The following PRKG2 variants were observed in gnomAD, a reference collection of about 807,000 sequenced individuals.
The protein encoded by PRKG2 is protein kinase cGMP-dependent 2, also known as cGMP-dependent protein kinase 2.
Under a neutral mutation model 97.2 loss-of-function variants are expected in PRKG2, and 33 were observed. The observed-to-expected ratio is 0.34, with a 90% CI of 0.26 to 0.45. PRKG2 has a LOEUF of 0.45. PRKG2 is among the 20% of genes least tolerant of loss of function. The probability of loss-of-function intolerance (pLI) is 1.00; values close to 1 mark genes in which losing one functional copy is unlikely to be tolerated. For synonymous variants in PRKG2, 330 were observed against 321.8 expected (o/e 1.03, Z -0.27); for missense variants, 638 against 900.0 (o/e 0.71, Z 3.73).
At chr4:81,168,439 T>C (rs548085897) in intron 5 of PRKG2, among the ~76,000 whole-genome samples, 1 of 152,132 alleles carries the variant, frequency 6.6e-6, no homozygotes, top group Non-Finnish European at 1.5e-5. Context: ...ACTAAGAACA[T>C]ACTAGACTCC....
At chr4:81,109,890 C>A (rs755943391) in intron 15 of PRKG2, among the ~76,000 whole-genome samples, 1 of 152,128 alleles carries the variant, frequency 6.6e-6, no homozygotes, top group Non-Finnish European at 1.5e-5. Flanking sequence ...AATGACAATT[C>A]AATTTTCACT....
chr4:81,129,581 T>C (rs1405926018), intron 14 of PRKG2, among the ~76,000 whole-genome samples: 2 of 152,200 alleles, frequency 1.3e-5, no homozygotes, highest in Admixed American at 6.5e-5. Context: ...CCTTTACCAC[T>C]ATGTAATGCC....
chr4:81,142,989 T>C, intron 10 of PRKG2, 42 bp from the exon 11 acceptor site: 1 of 1,540,166 alleles, frequency 6.5e-7, no homozygotes, highest in Non-Finnish European at 8.8e-7. Context: ...ACACCCATAA[T>C]TAAGAAGGTG....
chr4:81,151,051 T>A (rs1017291736), intron 8 of PRKG2, among the ~76,000 whole-genome samples: 2 of 152,082 alleles, frequency 1.3e-5, no homozygotes, highest in Non-Finnish European at 2.9e-5. Flanking sequence ...TCAGGTAATA[T>A]CTGAACACTT....
intron 14 of PRKG2, among the ~76,000 whole-genome samples, chr4:81,117,987 C>A (rs1744717300): frequency 6.6e-6 from 1 of 152,132 alleles, no homozygotes; most frequent in Admixed American, 6.6e-5. Context: ...CTGTGTCCTG[C>A]CTATTCATTT....
At chr4:81,155,038 C>T (rs1220089819) in intron 6 of PRKG2, among the ~76,000 whole-genome samples, 17 of 151,272 alleles carry the variant, frequency 1.1e-4, no homozygotes, top group Middle Eastern at 3.2e-3. Context: ...ATTAGCCGGG[C>T]GTAGTGGCGG....
upstream of PRKG2, among the ~76,000 whole-genome samples, chr4:81,215,676 A>T (rs1418020344): frequency 6.7e-6 from 1 of 150,314 alleles, no homozygotes; most frequent in Non-Finnish European, 1.5e-5. Context: ...CTACGAAGAC[A>T]TGTGACCCCG....
Position 81,153,700 on chromosome 4 carries a change from A to T in PRKG2, c.934T>A (p.Tyr312Asn), listed in dbSNP as rs747364743. Residue 312 changes from tyrosine to asparagine, a missense_variant, in exon 7 of 19, where the codon TAC (tyrosine) becomes AAC (asparagine). This residue lies in a region of PRKG2 where 332 missense variants were observed against 421.7 expected (regional missense o/e 0.79). Coordinates refer to ENST00000264399, the MANE Select transcript of PRKG2 (RefSeq NM_006259.3). ...LEVEYYDKGD[Y>N]IIREGEEGST... Reference sequence around the variant, plus strand: ...CCTTCCTCGCCCTCTCTAATGATGTAATCTCCTTTGTCATAGTATTCCTGT... The same window carrying T: ...CCTTCCTCGCCCTCTCTAATGATGTTATCTCCTTTGTCATAGTATTCCTGT... 1 of 1,607,206 alleles carries T rather than the reference A, an allele frequency of 6.2e-7. No homozygotes were observed. Among genetic ancestry groups the T allele is most frequent in the South Asian group, 1.1e-5 (1 of 90,860 alleles).
At chr4:81,169,588 T>A (rs1750280294) in intron 5 of PRKG2, 75 bp downstream of exon 5, 1 of 1,077,162 alleles carries the variant, frequency 9.3e-7, no homozygotes, top group African/African-American at 1.6e-5. Context: ...GTTGAATAAT[T>A]ATTCTGATAA....
At chr4:81,111,758 T>G (rs1043084691) in intron 14 of PRKG2, among the ~76,000 whole-genome samples, 1 of 152,188 alleles carries the variant, frequency 6.6e-6, no homozygotes, top group Non-Finnish European at 1.5e-5. Context: ...CGAAGCAGTG[T>G]ATATGATCAA....
chr4:81,095,976 T>G (rs1333018646), intron 17 of PRKG2, among the ~76,000 whole-genome samples: 1 of 152,198 alleles, frequency 6.6e-6, no homozygotes, highest in Admixed American at 6.6e-5. Flanking sequence ...AATTTTAAAA[T>G]ACTTTATTGC....
At chr4:81,203,533 C>T (rs944872739) in intron 2 of PRKG2, among the ~76,000 whole-genome samples, 4 of 152,136 alleles carry the variant, frequency 2.6e-5, no homozygotes, top group African/African-American at 4.8e-5. Flanking sequence ...TTTCACAAAT[C>T]TTGCATTTTG....
chr4:81,202,808 T>C (rs1198908378), intron 2 of PRKG2, among the ~76,000 whole-genome samples: 1 of 152,044 alleles, frequency 6.6e-6, no homozygotes, highest in East Asian at 1.9e-4. Flanking sequence ...TATCTCAGAT[T>C]TTTCAGCACC....
chr4:81,212,366 T>C (rs1754026231), intron 1 of PRKG2, among the ~76,000 whole-genome samples: 1 of 150,634 alleles, frequency 6.6e-6, no homozygotes, highest in Admixed American at 6.6e-5. Flanking sequence ...ATTCAGCTAT[T>C]TGGGGGGCTA....
At chr4:81,186,881 T>G (rs144989524) in intron 2 of PRKG2, among the ~76,000 whole-genome samples, 1,727 of 152,018 alleles carry the variant, frequency 0.011, 21 homozygotes, top group Admixed American at 0.025. Flanking sequence ...CTAGAAGAAA[T>G]GGATAAATAC....
chr4:81,108,739 T>A (rs976406878), intron 15 of PRKG2, among the ~76,000 whole-genome samples: 2 of 151,828 alleles, frequency 1.3e-5, no homozygotes, highest in African/African-American at 4.8e-5. Context: ...TGCAAAAAAA[T>A]TTTAAAAATT....
chr4:81,101,526 T>G (rs1020955995), intron 17 of PRKG2, among the ~76,000 whole-genome samples: 2 of 125,524 alleles, frequency 1.6e-5, no homozygotes, highest in Admixed American at 2.1e-4. Context: ...TGAGAACACA[T>G]GGACCCAGGA....
intron 6 of PRKG2, among the ~76,000 whole-genome samples, chr4:81,164,043 C>T (rs41414947): frequency 0.11 from 16,595 of 152,200 alleles, 1,108 homozygotes; most frequent in Middle Eastern, 0.21. Context: ...GGCAAGCACA[C>T]CTGGATCAGG....
intron 10 of PRKG2, among the ~76,000 whole-genome samples, chr4:81,143,727 T>C (rs1285567629): frequency 1.3e-5 from 2 of 152,284 alleles, no homozygotes; most frequent in African/African-American, 2.4e-5. Context: ...TCTAAAAAAA[T>C]GTTTCAGCAA....
Sources: gnomAD v4.1 joint callset for allele counts (sites outside exome capture counted in the v4.1 genomes callset) on GRCh38, gnomAD v4.1.1 for gene constraint, gnomAD v4.1.1 regional missense constraint, MANE v1.5 for transcripts, NCBI Gene and HGNC (gene_info 2026-07-23, HGNC 2026-07-21) for gene names.